TRIM66: variants seen among roughly 807,000 people sequenced by gnomAD.
TRIM66 encodes the protein tripartite motif containing 66.
TRIM66 carries 99 observed loss-of-function variants against 148.2 expected under a neutral mutation model. The observed-to-expected ratio is 0.67, with a 90% confidence interval of 0.57 to 0.79. The LOEUF is 0.79. Among genes scored for constraint, TRIM66 ranks in the 30% least tolerant of loss-of-function variants. The pLI is 0.00. For missense variants in TRIM66, 1,666 were observed against 1,697.9 expected, an observed-to-expected ratio of 0.98 and a Z score of 0.33; for synonymous variants, 616 against 635.9, an observed-to-expected ratio of 0.97 and a Z score of 0.47.
At chr11:8,632,621 C>T (rs1282495954) in intron 15 of TRIM66, among the ~76,000 whole-genome samples, 2 of 151,972 alleles carry the variant, frequency 1.3e-5, no homozygotes, top group South Asian at 2.1e-4. Context: ...CCATGCCCAG[C>T]TAATTTTTGT....
chr11:8,681,355 G>C lies in TRIM66; in HGVS notation c.-548+1246C>G, dbSNP rs186263364. Among the ~76,000 whole-genome samples the C allele has an allele frequency of 4.6e-5, 7 of 152,074 alleles. No homozygotes were observed. The East Asian group carries it at 1.4e-3, about 29-fold the overall frequency. On this transcript the variant is annotated intron_variant, in intron 1 of 24. Coordinates refer to ENST00000646038, the MANE Select transcript of TRIM66 (RefSeq NM_001388022.1). ...TCACCGTGTTAGCCAGGATGGTCTC[G>C]ATCTCCTGACCTCGTGATCCGCCCG...
At chr11:8,635,983 A>G (rs1448724701) in intron 15 of TRIM66, among the ~76,000 whole-genome samples, 1 of 152,196 alleles carries the variant, frequency 6.6e-6, no homozygotes, top group Admixed American at 6.5e-5. Flanking sequence ...CAAAAATTAT[A>G]TCAATGAGCA....
rs1445813706 is a variant in TRIM66, at chr11:8,679,789, T to G, written c.-359A>C. On this transcript the variant is annotated 5_prime_UTR_variant, in exon 3 of 25. Coordinates refer to ENST00000646038, the MANE Select transcript of TRIM66 (RefSeq NM_001388022.1). ...GGTCACATGCAGTATGTGATTAAGGTTGATGGAGGGATGAAGACCATAATG... is the reference window on the plus strand; with the variant it reads ...GGTCACATGCAGTATGTGATTAAGGGTGATGGAGGGATGAAGACCATAATG... 6.6e-6 allele frequency: 1 copy of G among 152,528 alleles called. No individual in the cohort carries two copies. Among genetic ancestry groups the G allele is most frequent in the Non-Finnish European group, 1.5e-5 (1 of 68,054 alleles). 9.4% of individuals were successfully genotyped at this position (152,528 alleles called of 1,614,324 possible). A position where few individuals can be genotyped will look rare whatever the true frequency, so the allele number is the denominator to read the frequency against.
At chr11:8,672,151 T>A in intron 5 of TRIM66, 53 bp from the exon 6 acceptor site, 1 of 1,529,546 alleles carries the variant, frequency 6.5e-7, no homozygotes, top group Non-Finnish European at 8.7e-7. Context: ...CAGAAAAAAA[T>A]CTTAGGCCAG....
chr11:8,648,297 G>C, intron 9 of TRIM66, 119 bp downstream of exon 9: 1 of 1,443,946 alleles, frequency 6.9e-7, no homozygotes, highest in Non-Finnish European at 9.3e-7. Context: ...CTTCAGCCCA[G>C]GGGCTGCAGG....
At chr11:8,655,967 G>A (rs2037794280) in intron 6 of TRIM66, among the ~76,000 whole-genome samples, 1 of 152,178 alleles carries the variant, frequency 6.6e-6, no homozygotes. Context: ...GTGCAGCAAA[G>A]AGCAGAGGTG....
At chr11:8,670,891 G>A (rs927560187) in intron 6 of TRIM66, among the ~76,000 whole-genome samples, 1 of 152,202 alleles carries the variant, frequency 6.6e-6, no homozygotes, top group African/African-American at 2.4e-5. Flanking sequence ...CCAGACTATA[G>A]TTTTTAAAAC....
upstream of TRIM66, chr11:8,682,728 C>A: frequency 6.4e-7 from 1 of 1,551,562 alleles, no homozygotes; most frequent in South Asian, 1.1e-5. Flanking sequence ...CCTCTGTGAC[C>A]GGAAGTGAGG....
Position 8,626,835 on chromosome 11 carries a change from C to T in TRIM66, c.2311-1607G>A, listed in dbSNP as rs1592036964. ...TAGCCATAGCTCATTCAATAACCCT[C>T]TCCTCATTCACTGAACTCTAGTCAC... On this transcript the variant is annotated intron_variant, in intron 15 of 24. Coordinates refer to ENST00000646038, the MANE Select transcript of TRIM66 (RefSeq NM_001388022.1). Among the ~76,000 whole-genome samples the T allele has an allele frequency of 2.6e-5, 4 of 152,320 alleles. No homozygotes were observed. The South Asian group carries it at 8.3e-4, about 32-fold the overall frequency.
At chr11:8,619,249 C>T in intron 23 of TRIM66, 134 bp downstream of exon 23, 1 of 1,074,752 alleles carries the variant, frequency 9.3e-7, no homozygotes, top group Non-Finnish European at 1.3e-6. Flanking sequence ...AAACACTCAC[C>T]ACAGCAGGCC....
chr11:8,620,413 C>T, intron 21 of TRIM66, 33 bp downstream of exon 21: 3 of 1,550,650 alleles, frequency 1.9e-6, no homozygotes, highest in Non-Finnish European at 2.6e-6. Context: ...CTGCCAAAGG[C>T]AGGGAACCTT....
chr11:8,660,073 C>T (rs2133372924), intron 6 of TRIM66, among the ~76,000 whole-genome samples: 1 of 152,070 alleles, frequency 6.6e-6, no homozygotes, highest in African/African-American at 2.4e-5. Context: ...AGAGACAGGG[C>T]CTTACTATGT....
chr11:8,624,594 A>G (rs1465534378), intron 16 of TRIM66, 43 bp from the exon 17 acceptor site: 7 of 1,502,446 alleles, frequency 4.7e-6, no homozygotes, highest in African/African-American at 1.4e-5. Flanking sequence ...GAACTCAGAC[A>G]TGGTTGTCAT....
chr11:8,619,277 A>G, intron 23 of TRIM66, 106 bp downstream of exon 23: 1 of 1,306,666 alleles, frequency 7.7e-7, no homozygotes, highest in Non-Finnish European at 1.0e-6. Flanking sequence ...TCTGCTCCCC[A>G]GTCCTCATGG....
chr11:8,663,304 T>C (rs1043399046), intron 6 of TRIM66: 9 of 152,202 alleles, frequency 5.9e-5, no homozygotes, highest in South Asian at 2.1e-4. Flanking sequence ...GAGTATACAA[T>C]AGTCCCCCCC....
In TRIM66 at chr11:8,634,313, G is replaced by C. The variant is rs529274316; in HGVS notation, c.2310+4341C>G. ...CCTGAGTAGCTGGGACCACAGGCATGCACCACCACGCCTGGCTAATTTTCT... is the reference window on the plus strand; with the variant it reads ...CCTGAGTAGCTGGGACCACAGGCATCCACCACCACGCCTGGCTAATTTTCT... On this transcript the variant is annotated intron_variant, in intron 15 of 24. Coordinates refer to ENST00000646038, the MANE Select transcript of TRIM66 (RefSeq NM_001388022.1). 3.9e-5 allele frequency among the ~76,000 whole-genome samples: 6 copies of C among 152,282 alleles called. No individual in the cohort carries two copies. In the East Asian group the frequency reaches 9.7e-4, roughly 25 times the overall value.
rs924675761 is a variant in TRIM66, at chr11:8,614,497, A to T, written c.*3447T>A. On this transcript the variant is annotated 3_prime_UTR_variant, in exon 25 of 25. Transcript: ENST00000646038. ...AAGTTAAAAGACAAGGAGAGGAGAG[A>T]GAGGGCTGAGGTCATGGAAATGGAC... 3 of 152,624 alleles carry T rather than the reference A, an allele frequency of 2.0e-5. No individual in the cohort carries two copies. The highest frequency in any genetic ancestry group is 7.2e-5 in the African/African-American group (3 of 41,434). 9.5% of individuals were successfully genotyped at this position (152,624 alleles called of 1,614,324 possible).
chr11:8,674,087 G>T (rs1410157005), intron 4 of TRIM66, among the ~76,000 whole-genome samples: 1 of 152,188 alleles, frequency 6.6e-6, no homozygotes, highest in Non-Finnish European at 1.5e-5. Flanking sequence ...CTATTAGAAG[G>T]TTCAAGCATG....
At chr11:8,639,592 T>C (rs1187334882) in intron 14 of TRIM66, among the ~76,000 whole-genome samples, 1 of 152,252 alleles carries the variant, frequency 6.6e-6, no homozygotes, top group East Asian at 1.9e-4. Flanking sequence ...CAATGTTGTA[T>C]GATATGGAGA....
Sources: gnomAD v4.1 joint callset for allele counts (sites outside exome capture counted in the v4.1 genomes callset) on GRCh38, gnomAD v4.1.1 for gene constraint, MANE v1.5 for transcripts, NCBI Gene and HGNC (gene_info 2026-07-23, HGNC 2026-07-21) for gene names.